The following ADAM19 variants were observed in gnomAD, a reference collection of about 807,000 sequenced individuals.
ADAM19 encodes the protein disintegrin and metalloproteinase domain-containing protein 19.
In ADAM19, 65 loss-of-function variants were observed where a neutral mutation model predicts 114.7. That is an observed-to-expected ratio of 0.57 (90% CI 0.46 to 0.70). The LOEUF is 0.70. Ranked by LOEUF, ADAM19 falls within the 30% of genes least tolerant of loss-of-function variation. The probability of loss-of-function intolerance (pLI) is 0.00; values close to 1 mark genes in which losing one functional copy is unlikely to be tolerated. For missense variants in ADAM19, 1,063 were observed against 1,204.7 expected (o/e 0.88, Z 1.74); for synonymous variants, 466 against 460.5 (o/e 1.01, Z -0.15).
intron 5 of ADAM19, among the ~76,000 whole-genome samples, chr5:157,521,412 T>C (rs747647541): frequency 1.3e-5 from 2 of 152,148 alleles, no homozygotes; most frequent in Non-Finnish European, 2.9e-5. Flanking sequence ...AACCCAGTCT[T>C]TGCCACTGTA....
intron 3 of ADAM19, among the ~76,000 whole-genome samples, chr5:157,559,988 G>A (rs186007199): frequency 1.3e-3 from 191 of 152,244 alleles, no homozygotes; most frequent in Admixed American, 0.011. Context: ...AGTGCAGGCC[G>A]GGCGCGGTGG....
chr5:157,517,182 C>T lies in ADAM19; in HGVS notation c.666+1641G>A, dbSNP rs558674053. ...AGACCTTCTGGCCTGCAGCCTAGTG[C>T]TCTCCCCACCACCAGGCCCTGCTGC... On this transcript the variant is annotated intron_variant, in intron 7 of 22. Coordinates refer to ENST00000257527, the MANE Select transcript of ADAM19 (RefSeq NM_033274.5). Among the ~76,000 whole-genome samples, 535 of 152,268 alleles carry T rather than the reference C, an allele frequency of 3.5e-3. 2 individuals carry two copies. Among genetic ancestry groups the T allele is most frequent in the Non-Finnish European group, 5.8e-3 (392 of 68,020 alleles).
intron 5 of ADAM19, among the ~76,000 whole-genome samples, chr5:157,521,089 C>T (rs1386743715): frequency 1.3e-5 from 2 of 152,178 alleles, no homozygotes; most frequent in Non-Finnish European, 2.9e-5. Context: ...AGTTTCATCA[C>T]CCCTTGGACT....
intron 3 of ADAM19, among the ~76,000 whole-genome samples, chr5:157,545,221 T>C (rs1334453135): frequency 6.6e-6 from 1 of 152,194 alleles, no homozygotes; most frequent in Non-Finnish European, 1.5e-5. Context: ...AAAGCCCTCA[T>C]AGATCATAGT....
At position 157,571,003 on chromosome 5, in the gene ADAM19, C is replaced by T. The variant is rs1390055214; in HGVS notation, c.95-23G>A. 3.1e-6 allele frequency: 5 copies of T among 1,609,646 alleles called. No individual in the cohort carries two copies. The African/African-American group carries it at 5.3e-5, about 17-fold the overall frequency. ...CTCCTGCCAATACAAGATGCAAAAC[C>T]ATTGGAATCCCAGACCTCTATACCC... On this transcript the variant is annotated intron_variant, in intron 1 of 22. Coordinates refer to ENST00000257527, the MANE Select transcript of ADAM19 (RefSeq NM_033274.5).
At chr5:157,551,717 C>T (rs1353230376) in intron 3 of ADAM19, among the ~76,000 whole-genome samples, 1 of 150,718 alleles carries the variant, frequency 6.6e-6, no homozygotes, top group Non-Finnish European at 1.5e-5. Flanking sequence ...TCAAACAACT[C>T]TATAAGAAAA....
At position 157,518,996 on chromosome 5, in the gene ADAM19, T is replaced by C. The variant is rs1756185672; in HGVS notation, c.601-108A>G. The C allele has an allele frequency of 2.1e-5, 19 of 917,378 alleles. 1 individual carries two copies. The highest frequency in any genetic ancestry group is 3.3e-5 in the African/African-American group (2 of 60,570). 56.8% of individuals were successfully genotyped at this position (917,378 alleles called of 1,614,324 possible). Reference sequence around the variant, plus strand: ...GGATAAGCAGCAGCTACCTCCGTAATGATTTTGTCATTCGGCACTAGAGAT... The same window carrying C: ...GGATAAGCAGCAGCTACCTCCGTAACGATTTTGTCATTCGGCACTAGAGAT... On this transcript the variant is annotated intron_variant, in intron 6 of 22. Transcript: ENST00000257527.
chr5:157,531,783 GAGA>G (rs925051071), intron 4 of ADAM19, among the ~76,000 whole-genome samples: 2 of 152,076 alleles, frequency 1.3e-5, no homozygotes, highest in African/African-American at 4.8e-5. Context: ...CACACAGAAA[GAGA>G]AGAAGGCCAT....
At chr5:157,541,120 C>T (rs1048093069) in intron 3 of ADAM19, among the ~76,000 whole-genome samples, 9 of 152,180 alleles carry the variant, frequency 5.9e-5, no homozygotes, top group Non-Finnish European at 1.3e-4. Flanking sequence ...ACGCTGCTGT[C>T]CCACAGAGAG....
At chr5:157,511,176 T>G (rs1289140771) in intron 8 of ADAM19, among the ~76,000 whole-genome samples, 1 of 152,186 alleles carries the variant, frequency 6.6e-6, no homozygotes, top group Non-Finnish European at 1.5e-5. Context: ...ACCCTACAAA[T>G]ACTGAGCCAG....
At chr5:157,494,486 C>T (rs987327857) in intron 15 of ADAM19, among the ~76,000 whole-genome samples, 5 of 152,134 alleles carry the variant, frequency 3.3e-5, no homozygotes, top group African/African-American at 1.2e-4. Context: ...GAAGCACTGC[C>T]ACCCACACCC....
At position 157,480,542 on chromosome 5, in the gene ADAM19, G is replaced by C. The variant is rs1754714558; in HGVS notation, c.*407C>G. ...ACCTCTGAGGAGAGCAGAAGCAATG[G>C]GAAGCTCTCTTGCGTGCCCTGCACC... is the stretch of plus-strand genomic sequence containing the variant. On this transcript the variant is annotated 3_prime_UTR_variant, in exon 23 of 23. Coordinates refer to ENST00000257527, the MANE Select transcript of ADAM19 (RefSeq NM_033274.5). 1 of 1,019,906 alleles carries C rather than the reference G, an allele frequency of 9.8e-7. No individual in the cohort carries two copies. The highest frequency in any genetic ancestry group is 4.0e-5 in the South Asian group (1 of 25,124). The allele number at this position is 1,019,906 out of a possible 1,614,324, so 63.2% of individuals were successfully genotyped here. A position where few individuals can be genotyped will look rare whatever the true frequency, so the allele number is the denominator to read the frequency against.
chr5:157,551,405 C>G lies in ADAM19; in HGVS notation c.251+12968G>C, dbSNP rs1388473650. Among the ~76,000 whole-genome samples the G allele has an allele frequency of 7.1e-5, 6 of 84,272 alleles. No individual in the cohort carries two copies. In the South Asian group the frequency reaches 2.3e-3, roughly 33 times the overall value. The allele number at this position is 84,272 out of a possible 152,430, so 55.3% of individuals were successfully genotyped here. ...AGCAACAGAGCATGATTCTGTCCCCCCAACCCCAAAAAAAAAAAAAAAAAA... is the reference window on the plus strand; with the variant it reads ...AGCAACAGAGCATGATTCTGTCCCCGCAACCCCAAAAAAAAAAAAAAAAAA... On this transcript the variant is annotated intron_variant, in intron 3 of 22. Transcript: ENST00000257527.
rs1482638423 is a variant in ADAM19, at chr5:157,505,674, G to A, written c.1125C>T (p.Ala375=). ...CCTCTTGCTGTTTGACTCACCCAGT[G>A]GCAGCTGCCATGATGCACCCACCAT... ...AADGGCIMAA[A]TGHPFPKVFN... is the part of the protein sequence containing the mutation. The change falls in exon 11 of 23, where the codon GCC becomes GCT. Residue 375 remains alanine, a synonymous_variant. Transcript: ENST00000257527. 1.2e-6 allele frequency: 2 copies of A among 1,613,532 alleles called. No homozygotes were observed. Among genetic ancestry groups the A allele is most frequent in the Non-Finnish European group, 8.5e-7 (1 of 1,179,878 alleles).
chr5:157,510,784 T>C (rs1344146221), intron 8 of ADAM19, among the ~76,000 whole-genome samples: 1 of 152,244 alleles, frequency 6.6e-6, no homozygotes, highest in Non-Finnish European at 1.5e-5. Context: ...CCAAATTATA[T>C]TAATACATGG....
At chr5:157,517,518 G>A (rs1036826212) in intron 7 of ADAM19, among the ~76,000 whole-genome samples, 1 of 152,082 alleles carries the variant, frequency 6.6e-6, no homozygotes, top group Non-Finnish European at 1.5e-5. Context: ...CACTCTTTAG[G>A]TGTCTGCTTC....
At chr5:157,541,842 T>C (rs998459054) in intron 3 of ADAM19, among the ~76,000 whole-genome samples, 7 of 152,182 alleles carry the variant, frequency 4.6e-5, no homozygotes, top group Non-Finnish European at 8.8e-5. Context: ...TTGCAAAACA[T>C]CTTCTGGGAG....
chr5:157,510,191 C>T (rs1246023088), intron 8 of ADAM19, among the ~76,000 whole-genome samples: 1 of 152,232 alleles, frequency 6.6e-6, no homozygotes, highest in Non-Finnish European at 1.5e-5. Flanking sequence ...AAAGCCATCA[C>T]CAGCCAAGCG....
In ADAM19 at chr5:157,532,481, C is replaced by T. The variant is rs138028693; in HGVS notation, c.331-1598G>A. On this transcript the variant is annotated intron_variant, in intron 4 of 22. Coordinates refer to ENST00000257527, the MANE Select transcript of ADAM19 (RefSeq NM_033274.5). ...CAGACAGAAGGGGGTGAAATCAGGA[C>T]GGTGTCCAACGAATCAGGGGTAACA... 4.4e-3 allele frequency among the ~76,000 whole-genome samples: 666 copies of T among 152,270 alleles called. 6 individuals are homozygous for T. The highest frequency in any genetic ancestry group is 0.015 in the African/African-American group (627 of 41,552).
Sources: gnomAD v4.1 joint callset for allele counts (sites outside exome capture counted in the v4.1 genomes callset) on GRCh38, gnomAD v4.1.1 for gene constraint, MANE v1.5 for transcripts, NCBI Gene and HGNC (gene_info 2026-07-23, HGNC 2026-07-21) for gene names.